Variants in MYT1 observed in about 807,000 individuals in gnomAD.
The protein encoded by MYT1 is myelin transcription factor I.
A neutral mutation model predicts 123.0 loss-of-function variants in MYT1; 23 were observed. The observed-to-expected ratio is 0.19, with a 90% CI of 0.13 to 0.26. MYT1 has a LOEUF of 0.26. MYT1 is among the 10% of genes least tolerant of loss of function. The pLI is 1.00. For synonymous variants in MYT1, 518 were observed against 575.3 expected, an observed-to-expected ratio of 0.90 and a Z score of 1.43; for missense variants, 1,125 against 1,472.5, an observed-to-expected ratio of 0.76 and a Z score of 3.86.
chr20:64,221,127 G>A (rs1027206847), intron 13 of MYT1, among the ~76,000 whole-genome samples: 2 of 152,208 alleles, frequency 1.3e-5, no homozygotes, highest in Non-Finnish European at 2.9e-5. Flanking sequence ...AAAAACCTTT[G>A]AGGGGCTGCT....
chr20:64,225,158 G>A (rs996231784), intron 16 of MYT1, among the ~76,000 whole-genome samples: 22 of 152,046 alleles, frequency 1.4e-4, no homozygotes, highest in Admixed American at 3.9e-4. Flanking sequence ...TCCTCCCTCC[G>A]ACCACTGCAT....
chr20:64,194,033 T>C (rs1330605381), intron 2 of MYT1, among the ~76,000 whole-genome samples: 1 of 152,164 alleles, frequency 6.6e-6, no homozygotes, highest in Non-Finnish European at 1.5e-5. Flanking sequence ...ACCACGGCTC[T>C]CCACACACCC....
rs1337778347 is a variant in MYT1 at position 64,166,739 on chromosome 20, ACT to A, written c.-99+2005_-99+2006del. Among the ~76,000 whole-genome samples, 1 of 151,668 alleles carries A rather than the reference ACT, an allele frequency of 6.6e-6. No individual in the cohort carries two copies. Among genetic ancestry groups the A allele is most frequent in the Non-Finnish European group, 1.5e-5 (1 of 67,888 alleles). ...GCCCCTGGTGCATGAGTGGGGAAAC[ACT>A]CTCTGAGATGACCCCTTCTAGCCAT... On this transcript the variant is annotated intron_variant, in intron 1 of 22. Coordinates refer to ENST00000328439, the MANE Select transcript of MYT1 (RefSeq NM_004535.3). This position sits in a 1 kb window ranked among gnomAD's most constrained non-coding sequence, Gnocchi z 4.9.
intron 3 of MYT1, among the ~76,000 whole-genome samples, chr20:64,199,252 C>T (rs534421076): frequency 5.9e-5 from 9 of 152,316 alleles, no homozygotes; most frequent in South Asian, 2.1e-4. Context: ...CCTTCCCAGG[C>T]GATCAGTCTT....
At chr20:64,236,264 C>CTGT (rs1984536927) in intron 19 of MYT1, among the ~76,000 whole-genome samples, 1 of 134,142 alleles carries the variant, frequency 7.5e-6, no homozygotes. Flanking sequence ...CCTGGGATGG[C>CTGT]GGTGGTGGGT....
rs61747595 is a variant in MYT1 at position 64,218,930 on chromosome 20, C to T, written c.1866C>T (p.Asp622=). ...KAFQCFDYSQ[D]AEAAHMAATA... ...CTGCAGGCTTTGACTACTCGCAGGA[C>T]GCCGAGGCTGCACACATGGCTGCCA... The change falls in exon 12 of 23, where the codon GAC becomes GAT. Residue 622 remains aspartate, a synonymous_variant. Coordinates refer to ENST00000328439, the MANE Select transcript of MYT1 (RefSeq NM_004535.3). This position sits in a 1 kb window ranked among gnomAD's most constrained non-coding sequence, Gnocchi z 4.0. 3.3e-4 allele frequency: 528 copies of T among 1,613,660 alleles called. 1 individual carries two copies. The African/African-American group carries it at 5.0e-3, about 15-fold the overall frequency.
rs1165557495 is a variant in MYT1 at position 64,241,651 on chromosome 20, C to T, written c.*1203C>T. The T allele has an allele frequency of 3.9e-5, 6 of 152,544 alleles. No homozygotes were observed. The highest frequency in any genetic ancestry group is 2.1e-4 in the South Asian group (1 of 4,828). The allele number at this position is 152,544 out of a possible 1,614,324, so 9.4% of individuals were successfully genotyped here. A position where few individuals can be genotyped will look rare whatever the true frequency, so the allele number is the denominator to read the frequency against. ...TTTATTTATTAATTTTATACTATTTCAACTAGACCCCACACCAGGGCACCC... is the reference window on the plus strand; with the variant it reads ...TTTATTTATTAATTTTATACTATTTTAACTAGACCCCACACCAGGGCACCC... On this transcript the variant is annotated 3_prime_UTR_variant, in exon 23 of 23. Transcript: ENST00000328439. The surrounding 1 kb of genome is among the most constrained non-coding windows in gnomAD (Gnocchi z 4.2).
chr20:64,232,458 T>G lies in MYT1; in HGVS notation c.2897+73T>G, dbSNP rs531744179. The stretch of plus-strand genomic sequence containing the variant: ...CTCGCCTGGGGCCTGGGGCTGAAGC[T>G]CCTGAGGGAGGGCCAGACCAGGGCT... On this transcript the variant is annotated intron_variant, in intron 19 of 22. Transcript: ENST00000328439. The surrounding 1 kb of genome is among the most constrained non-coding windows in gnomAD (Gnocchi z 6.9). 2.9e-4 allele frequency: 427 copies of G among 1,484,492 alleles called. No homozygotes were observed. Among genetic ancestry groups the G allele is most frequent in the Admixed American group, 3.5e-4 (20 of 57,016 alleles). The allele number at this position is 1,484,492 out of a possible 1,614,324, so 92.0% of individuals were successfully genotyped here.
chr20:64,237,898 A>G (rs1984599593), intron 21 of MYT1, among the ~76,000 whole-genome samples: 1 of 152,106 alleles, frequency 6.6e-6, no homozygotes, highest in South Asian at 2.1e-4. Context: ...TCCTCAGTCA[A>G]TTCCTCCATA....
intron 1 of MYT1, among the ~76,000 whole-genome samples, chr20:64,173,121 T>C (rs1305305095): frequency 6.6e-6 from 1 of 152,184 alleles, no homozygotes; most frequent in Admixed American, 6.5e-5. Flanking sequence ...TTGTGTTCTC[T>C]GTGTTCTACC....
At position 64,208,809 on chromosome 20, in the gene MYT1, G is replaced by A. The variant is rs546297408; in HGVS notation, c.1291+322G>A. On this transcript the variant is annotated intron_variant, in intron 7 of 22. Transcript: ENST00000328439. This position sits in a 1 kb window ranked among gnomAD's most constrained non-coding sequence, Gnocchi z 5.4. Reference sequence around the variant, plus strand: ...CTGGGGTCTGGAGAGGGTGGGGACCGTCCTGTCCCTTCCACCCCAACTCAC... The same window carrying A: ...CTGGGGTCTGGAGAGGGTGGGGACCATCCTGTCCCTTCCACCCCAACTCAC... 4.0e-4 allele frequency among the ~76,000 whole-genome samples: 61 copies of A among 152,310 alleles called. No homozygotes were observed. The highest frequency in any genetic ancestry group is 9.1e-4 in the Admixed American group (14 of 15,302).
In MYT1 at chr20:64,203,226, C is replaced by A. The variant is rs1379372718; in HGVS notation, c.87-1809C>A. 6.6e-6 allele frequency among the ~76,000 whole-genome samples: 1 copy of A among 152,214 alleles called. No homozygotes were observed. Among genetic ancestry groups the A allele is most frequent in the Admixed American group, 6.5e-5 (1 of 15,282 alleles). On this transcript the variant is annotated intron_variant, in intron 4 of 22. Coordinates refer to ENST00000328439, the MANE Select transcript of MYT1 (RefSeq NM_004535.3). This position sits in a 1 kb window ranked among gnomAD's most constrained non-coding sequence, Gnocchi z 5.1. ...TGAGCTGAGGGTGACGTGTTCAGGG[C>A]AGTCCGGTCCCCACAGGCCTCCACA...
In MYT1 at chr20:64,203,667, G is replaced by A. The variant is rs1363578198; in HGVS notation, c.87-1368G>A. On this transcript the variant is annotated intron_variant, in intron 4 of 22. Transcript: ENST00000328439. The surrounding 1 kb of genome is among the most constrained non-coding windows in gnomAD (Gnocchi z 5.1). ...TCCCCCACCCCATGGCTGCTGTTGAGCCAGGGGATAGGGTAAGGCCTGGAT... is the reference window on the plus strand; with the variant it reads ...TCCCCCACCCCATGGCTGCTGTTGAACCAGGGGATAGGGTAAGGCCTGGAT... Among the ~76,000 whole-genome samples the A allele has an allele frequency of 1.3e-5, 2 of 152,160 alleles. No individual in the cohort carries two copies. Among genetic ancestry groups the A allele is most frequent in the African/African-American group, 4.8e-5 (2 of 41,436 alleles).
At chr20:64,182,037 A>C (rs1414278969) in intron 1 of MYT1, among the ~76,000 whole-genome samples, 1 of 152,088 alleles carries the variant, frequency 6.6e-6, no homozygotes, top group Non-Finnish European at 1.5e-5. Context: ...GTGGGCCTTA[A>C]ATTGTTTCTA....
Position 64,241,522 on chromosome 20 carries a change from A to G in MYT1, c.*1074A>G, listed in dbSNP as rs1210320156. On this transcript the variant is annotated 3_prime_UTR_variant, in exon 23 of 23. Coordinates refer to ENST00000328439, the MANE Select transcript of MYT1 (RefSeq NM_004535.3). The surrounding 1 kb of genome is among the most constrained non-coding windows in gnomAD (Gnocchi z 4.2). ...AAATTGCACTTCCTGGAAAAAATTA[A>G]AAAGTAGTTAGTTTAATTATTCTGT... 1 of 152,640 alleles carries G rather than the reference A, an allele frequency of 6.6e-6. No homozygotes were observed. Among genetic ancestry groups the G allele is most frequent in the African/African-American group, 2.4e-5 (1 of 41,466 alleles). 9.5% of individuals were successfully genotyped at this position (152,640 alleles called of 1,614,324 possible).
intron 2 of MYT1, among the ~76,000 whole-genome samples, chr20:64,195,401 C>CTTTTT (rs397753483): frequency 0.036 from 3,696 of 103,988 alleles, 564 homozygotes; most frequent in African/African-American, 0.063. Flanking sequence ...TGTGTGTATA[C>CTTTTT]TTTTTTTTTT....
intron 1 of MYT1, among the ~76,000 whole-genome samples, chr20:64,176,764 G>A (rs1056462919): frequency 6.6e-6 from 1 of 152,216 alleles, no homozygotes; most frequent in African/African-American, 2.4e-5. Flanking sequence ...GCTCTCCCAG[G>A]CACCCCGGGA....
At position 64,223,321 on chromosome 20, in the gene MYT1, C is replaced by A. The variant is rs569999965; in HGVS notation, c.2490C>A (p.Ser830Arg). Reference protein sequence around the residue: ...SLSGCPLADKSLRNLMAAHSA... With the variant: ...SLSGCPLADKRLRNLMAAHSA... ...CTGGTTGCCCTCTTGCTGACAAGAGCCTCAGAAACCTCATGGCTGCCCACT... is the reference window on the plus strand; with the variant it reads ...CTGGTTGCCCTCTTGCTGACAAGAGACTCAGAAACCTCATGGCTGCCCACT... The change falls in exon 16 of 23, where the codon AGC becomes AGA. Residue 830 changes from serine to arginine, a missense_variant. Physicochemically the swap from Ser to Arg is moderately radical, Grantham distance 110. Coordinates refer to ENST00000328439, the MANE Select transcript of MYT1 (RefSeq NM_004535.3). 1 of 1,614,172 alleles carries A rather than the reference C, an allele frequency of 6.2e-7. No homozygotes were observed. The highest frequency in any genetic ancestry group is 1.3e-5 in the African/African-American group (1 of 75,046).
Position 64,176,789 on chromosome 20 carries a change from A to G in MYT1, c.-99+12050A>G, listed in dbSNP as rs374073767. Among the ~76,000 whole-genome samples, 4 of 152,150 alleles carry G rather than the reference A, an allele frequency of 2.6e-5. No individual in the cohort carries two copies. In the East Asian group the frequency reaches 5.8e-4, roughly 22 times the overall value. On this transcript the variant is annotated intron_variant, in intron 1 of 22. Transcript: ENST00000328439. Reference sequence around the variant, plus strand: ...GCACCCCGGGAGGGATGAATGTGACACTATTGGTGTCCCTCCCAGCACACT... The same window carrying G: ...GCACCCCGGGAGGGATGAATGTGACGCTATTGGTGTCCCTCCCAGCACACT...
Sources: allele counts gnomAD v4.1 joint callset (sites outside exome capture counted in the v4.1 genomes callset), GRCh38; gene constraint gnomAD v4.1.1; non-coding constraint Gnocchi (gnomAD v3.1); transcripts MANE v1.5; gene names NCBI Gene and HGNC (gene_info 2026-07-23, HGNC 2026-07-21).